Variants in PSMA1 observed in about 807,000 individuals in gnomAD.
PSMA1 encodes proteasome 20S subunit alpha 1, also known as proteasome subunit alpha type-1.
Under a neutral mutation model 38.4 loss-of-function variants are expected in PSMA1, and 3 were observed. The observed-to-expected ratio is 0.08, with a 90% CI of 0.04 to 0.20. The LOEUF (loss-of-function observed/expected upper bound fraction) is 0.20, where lower values mean the gene tolerates loss of function less well. PSMA1 is among the 10% of genes least tolerant of loss of function. The pLI is 1.00. For missense variants in PSMA1, 227 were observed against 325.3 expected, an observed-to-expected ratio of 0.70 and a Z score of 2.32; for synonymous variants, 101 against 107.1, an observed-to-expected ratio of 0.94 and a Z score of 0.35.
At position 14,504,984 on chromosome 11, in the gene PSMA1, G is replaced by A. The variant is rs1589975121; in HGVS notation, c.*208C>T. 1.9e-6 allele frequency: 1 copy of A among 526,022 alleles called. No individual in the cohort carries two copies. The highest frequency in any genetic ancestry group is 3.4e-6 in the Non-Finnish European group (1 of 294,040). 32.6% of individuals were successfully genotyped at this position (526,022 alleles called of 1,614,324 possible). A position where few individuals can be genotyped will look rare whatever the true frequency, so the allele number is the denominator to read the frequency against. On this transcript the variant is annotated 3_prime_UTR_variant, in exon 10 of 10. Coordinates refer to ENST00000396394, the MANE Select transcript of PSMA1 (RefSeq NM_002786.4). ...TAGATACCCATACTTTCTAGAAAATGATTATACAGACCCTTTCAAAGAAAA... is the reference window on the plus strand; with the variant it reads ...TAGATACCCATACTTTCTAGAAAATAATTATACAGACCCTTTCAAAGAAAA...
intron 9 of PSMA1, among the ~76,000 whole-genome samples, chr11:14,506,445 C>T (rs1851246434): frequency 6.6e-6 from 1 of 151,852 alleles, no homozygotes; most frequent in Non-Finnish European, 1.5e-5. Flanking sequence ...CAAATAGTAC[C>T]AACAATATCC....
chr11:14,513,675 T>C lies in PSMA1; in HGVS notation c.439A>G (p.Thr147Ala), dbSNP rs1463918529. ...TCAAAATAGTTAGCAGATGGACAGG[T>C]TTGGAAAATGTGAGGGCCCATATCC... ...YDDMGPHIFQ[T>A]CPSANYFDCR... The change falls in exon 7 of 10, where the codon ACC becomes GCC. Residue 147 changes from threonine to alanine, a missense_variant. Thr to Ala is a moderately conservative substitution (Grantham distance 58). Coordinates refer to ENST00000396394, the MANE Select transcript of PSMA1 (RefSeq NM_002786.4). 6.3e-7 allele frequency: 1 copy of C among 1,589,554 alleles called. No individual in the cohort carries two copies.
intron 2 of PSMA1, among the ~76,000 whole-genome samples, chr11:14,571,403 A>C (rs1474222056): frequency 6.6e-6 from 1 of 152,172 alleles, no homozygotes; most frequent in Non-Finnish European, 1.5e-5. Context: ...CCAGAATTTC[A>C]TATCCAGCCA....
chr11:14,513,455 A>T, intron 7 of PSMA1, 115 bp downstream of exon 7: 1 of 1,154,434 alleles, frequency 8.7e-7, no homozygotes, highest in Non-Finnish European at 1.1e-6. Context: ...ATTTTTTTTA[A>T]AAAAATTCTT....
At chr11:14,506,829 G>A (rs544951579) in intron 9 of PSMA1, among the ~76,000 whole-genome samples, 1 of 152,306 alleles carries the variant, frequency 6.6e-6, no homozygotes, top group East Asian at 1.9e-4. Context: ...TTGCCAATAT[G>A]CTAGAGAGAC....
chr11:14,598,504 C>T (rs1263160673), intron 2 of PSMA1, among the ~76,000 whole-genome samples: 3 of 151,764 alleles, frequency 2.0e-5, no homozygotes, highest in Non-Finnish European at 4.4e-5. Flanking sequence ...TATTTAATGG[C>T]CTTCTTTGTC....
upstream of PSMA1, among the ~76,000 whole-genome samples, chr11:14,523,755 A>AT (rs533540660): frequency 2.8e-4 from 42 of 150,934 alleles, no homozygotes; most frequent in Non-Finnish European, 4.9e-4. Flanking sequence ...AGATAATTTT[A>AT]TTTTTTTTGT....
At position 14,598,082 on chromosome 11, in the gene PSMA1, G is replaced by C. The variant is rs577917528; in HGVS notation, c.21+12884C>G. Among the ~76,000 whole-genome samples the C allele has an allele frequency of 7.9e-5, 12 of 152,272 alleles. 1 individual carries two copies. The South Asian group carries it at 2.5e-3, about 32-fold the overall frequency. On this transcript the variant is annotated intron_variant, in intron 2 of 10. Coordinates refer to the PSMA1 transcript ENST00000418988. ...TTTTTAGTCATTTTCTTAGTCCTGA[G>C]TTCTAATTTGATTGCACTGTGGTCT...
At chr11:14,531,338 A>T (rs552602855) in intron 2 of PSMA1, among the ~76,000 whole-genome samples, 7 of 152,114 alleles carry the variant, frequency 4.6e-5, no homozygotes, top group Admixed American at 2.0e-4. Context: ...GTCCATATGT[A>T]CTCAATGTTC....
intron 1 of PSMA1, among the ~76,000 whole-genome samples, chr11:14,638,506 CCTCTCTCTCTCTCTCTCTCT>C (rs374243163): frequency 6.3e-5 from 2 of 31,908 alleles, no homozygotes; most frequent in African/African-American, 2.5e-4. Context: ...GAGAAACACA[CCTCTCTCTCTCTCTCTCTCT>C]CTCTCTCTCT....
chr11:14,596,776 G>A (rs191761181), intron 2 of PSMA1, among the ~76,000 whole-genome samples: 33 of 152,156 alleles, frequency 2.2e-4, no homozygotes, highest in Middle Eastern at 6.8e-3. Flanking sequence ...AACTTCCAAC[G>A]CTATGTTGAA....
At chr11:14,609,582 A>G (rs751381146) in intron 2 of PSMA1, among the ~76,000 whole-genome samples, 1 of 152,200 alleles carries the variant, frequency 6.6e-6, no homozygotes, top group Non-Finnish European at 1.5e-5. Context: ...TTGAATAAAA[A>G]CCTAGAGGAT....
chr11:14,599,499 A>G (rs1852551920), intron 2 of PSMA1, among the ~76,000 whole-genome samples: 1 of 152,006 alleles, frequency 6.6e-6, no homozygotes, highest in Admixed American at 6.5e-5. Context: ...GATCTTCAGT[A>G]ACTGATACCC....
chr11:14,505,668 A>T (rs1033842641), intron 9 of PSMA1, among the ~76,000 whole-genome samples: 1 of 152,126 alleles, frequency 6.6e-6, no homozygotes, highest in African/African-American at 2.4e-5. Flanking sequence ...AAAAAAGAGT[A>T]AGAAAAAGTT....
chr11:14,598,795 T>C (rs1325347895), intron 2 of PSMA1, among the ~76,000 whole-genome samples: 4 of 151,728 alleles, frequency 2.6e-5, no homozygotes, highest in Non-Finnish European at 4.4e-5. Flanking sequence ...TGATGTTAGC[T>C]GGTTATTTTG....
At chr11:14,589,784 G>A (rs943005655) in intron 2 of PSMA1, among the ~76,000 whole-genome samples, 1 of 152,160 alleles carries the variant, frequency 6.6e-6, no homozygotes, top group African/African-American at 2.4e-5. Flanking sequence ...TGGGCCTGGG[G>A]TTAATCAGAA....
chr11:14,615,520 T>C (rs1394390015), intron 1 of PSMA1, among the ~76,000 whole-genome samples: 1 of 152,252 alleles, frequency 6.6e-6, no homozygotes, highest in African/African-American at 2.4e-5. Flanking sequence ...AGAGTTCCTG[T>C]GAGGTAGCTC....
intron 2 of PSMA1, among the ~76,000 whole-genome samples, chr11:14,592,374 C>CTATATA (rs1467036149): frequency 2.6e-4 from 31 of 119,258 alleles, no homozygotes; most frequent in East Asian, 7.3e-4. Context: ...CTCTCTCTCT[C>CTATATA]TCTATATATA....
At chr11:14,514,277 C>A in intron 5 of PSMA1, 126 bp downstream of exon 5, 1 of 1,380,868 alleles carries the variant, frequency 7.2e-7, no homozygotes, top group South Asian at 1.9e-5. Context: ...AAGAGCAATC[C>A]AATTTGTTGT....
Sources: allele counts gnomAD v4.1 joint callset (sites outside exome capture counted in the v4.1 genomes callset), GRCh38; gene constraint gnomAD v4.1.1; transcripts MANE v1.5; gene names NCBI Gene and HGNC (gene_info 2026-07-23, HGNC 2026-07-21).